PDZD2: variants seen among roughly 807,000 people sequenced by gnomAD.
PDZD2 encodes the protein PDZ domain containing 2, also known as PDZ domain-containing protein 2.
A neutral mutation model predicts 220.7 loss-of-function variants in PDZD2; 90 were observed. The observed-to-expected ratio is 0.41, with a 90% CI of 0.34 to 0.49. The LOEUF is 0.49. Ranked by LOEUF, PDZD2 falls within the 20% of genes least tolerant of loss-of-function variation. The pLI, the probability that PDZD2 is intolerant of heterozygous loss-of-function variation, is 0.28. For synonymous variants in PDZD2, 1,375 were observed against 1,450.5 expected, an observed-to-expected ratio of 0.95 and a Z score of 1.18; for missense variants, 3,174 against 3,608.5, an observed-to-expected ratio of 0.88 and a Z score of 3.08.
chr5:31,655,361 A>T (rs1745507515), intron 1 of PDZD2, among the ~76,000 whole-genome samples: 1 of 152,028 alleles, frequency 6.6e-6, no homozygotes, highest in Non-Finnish European at 1.5e-5. Flanking sequence ...TTTAGTAGAG[A>T]CGGGGTTTCA....
At chr5:31,786,780 C>T (rs1753406169) in intron 1 of PDZD2, among the ~76,000 whole-genome samples, 2 of 152,162 alleles carry the variant, frequency 1.3e-5, no homozygotes, top group African/African-American at 2.4e-5. Flanking sequence ...TGGGGCCGTA[C>T]AGCTAGCTAG....
intron 22 of PDZD2, 142 bp downstream of exon 22, chr5:32,097,522 G>C (rs899792605): frequency 3.0e-6 from 2 of 666,778 alleles, no homozygotes; most frequent in Non-Finnish European, 5.4e-6. Context: ...GGAGAAGTGG[G>C]AGAAGTAGTA....
intron 14 of PDZD2, among the ~76,000 whole-genome samples, chr5:32,063,170 G>A (rs1455310385): frequency 6.6e-6 from 1 of 151,790 alleles, no homozygotes; most frequent in African/African-American, 2.4e-5. Flanking sequence ...TCAGCCTTCT[G>A]AGTAGGTGGG....
chr5:32,096,711 C>T (rs1359796214), intron 21 of PDZD2, among the ~76,000 whole-genome samples: 1 of 152,118 alleles, frequency 6.6e-6, no homozygotes, highest in Non-Finnish European at 1.5e-5. Context: ...ATGCTCTTAT[C>T]CTGCCTCTTG....
chr5:32,037,326 C>G lies in PDZD2; in HGVS notation c.1503C>G (p.Leu501=). The change falls in exon 7 of 25, where the codon CTC becomes CTG. Residue 501 remains leucine (L), a synonymous_variant. Transcript: ENST00000438447. ...AACAGGGCAGCAATAAAATCAAGCT[C>G]AAGAGTCGCCTTTCAGGTAGGTGGG... ...SPKQGSNKIK[L]KSRLSGGVHR... The G allele has an allele frequency of 6.2e-7, 1 of 1,608,004 alleles. No homozygotes were observed. The highest frequency in any genetic ancestry group is 8.5e-7 in the Non-Finnish European group (1 of 1,174,454).
chr5:31,814,211 A>G (rs1755294019), intron 2 of PDZD2, among the ~76,000 whole-genome samples: 1 of 152,222 alleles, frequency 6.6e-6, no homozygotes, highest in South Asian at 2.1e-4. Context: ...AGCTTTAACT[A>G]GAATAAAAAG....
intron 1 of PDZD2, among the ~76,000 whole-genome samples, chr5:31,695,089 A>C (rs1054734989): frequency 2.0e-5 from 3 of 151,812 alleles, no homozygotes; most frequent in African/African-American, 7.3e-5. Flanking sequence ...GCACCACTGC[A>C]CTCCAGCCTG....
At chr5:31,922,634 C>T (rs1051282619) in intron 2 of PDZD2, among the ~76,000 whole-genome samples, 1 of 152,268 alleles carries the variant, frequency 6.6e-6, no homozygotes, top group East Asian at 1.9e-4. Flanking sequence ...CTGAAAGACA[C>T]ACCTTTCCAG....
At chr5:31,880,273 T>C (rs1169757446) in intron 2 of PDZD2, among the ~76,000 whole-genome samples, 2 of 152,198 alleles carry the variant, frequency 1.3e-5, no homozygotes, top group African/African-American at 4.8e-5. Flanking sequence ...TGTTTTATGC[T>C]TTATATGAAA....
chr5:32,101,580 C>A (rs1163651276), intron 24 of PDZD2, among the ~76,000 whole-genome samples: 1 of 152,168 alleles, frequency 6.6e-6, no homozygotes, highest in Non-Finnish European at 1.5e-5. Flanking sequence ...TTACTCCGGG[C>A]CCCTCTCTCT....
At chr5:32,066,482 C>G (rs1433147225) in intron 14 of PDZD2, among the ~76,000 whole-genome samples, 3 of 152,282 alleles carry the variant, frequency 2.0e-5, no homozygotes, top group Middle Eastern at 3.4e-3. Flanking sequence ...AAAATCTGTT[C>G]TCTTTTGTTT....
intron 2 of PDZD2, among the ~76,000 whole-genome samples, chr5:31,862,254 T>A (rs1381660090): frequency 2.6e-5 from 4 of 151,570 alleles, no homozygotes; most frequent in Admixed American, 1.3e-4. Flanking sequence ...ACAGGTGTGC[T>A]CCACCACACC....
chr5:31,727,444 C>T (rs979760270), intron 1 of PDZD2, among the ~76,000 whole-genome samples: 6 of 151,130 alleles, frequency 4.0e-5, no homozygotes, highest in African/African-American at 1.2e-4. Context: ...CGGTGGCTCA[C>T]GCCTGTAATC....
intron 1 of PDZD2, among the ~76,000 whole-genome samples, chr5:31,702,619 G>A (rs149406172): frequency 1.2e-4 from 19 of 152,292 alleles, no homozygotes; most frequent in African/African-American, 4.6e-4. Context: ...AAATGGTTAA[G>A]AATAGGAAAG....
Position 32,088,861 on chromosome 5 carries a change from A to G in PDZD2, c.5413A>G (p.Ile1805Val). The part of the protein sequence containing the change: ...RRPIMAWFKE[I>V]NKHNQGTHLR... ...GCCCATCATGGCCTGGTTTAAAGAAATAAATAAACATAACCAAGGCACACA... is the reference window on the plus strand; with the variant it reads ...GCCCATCATGGCCTGGTTTAAAGAAGTAAATAAACATAACCAAGGCACACA... The change falls in exon 20 of 25, where the codon ATA becomes GTA. Residue 1805 changes from isoleucine to valine, a missense_variant. Ile to Val is a conservative substitution (Grantham distance 29). Transcript: ENST00000438447. This position sits in a 1 kb window ranked among gnomAD's most constrained non-coding sequence, Gnocchi z 4.6. 1 of 1,614,128 alleles carries G rather than the reference A, an allele frequency of 6.2e-7. No homozygotes were observed.
chr5:31,884,896 G>T (rs983956618), intron 2 of PDZD2, among the ~76,000 whole-genome samples: 2 of 152,026 alleles, frequency 1.3e-5, no homozygotes, highest in Non-Finnish European at 2.9e-5. Context: ...ACCCACCTCA[G>T]CCTCCCAAAG....
At position 31,639,967 on chromosome 5, in the gene PDZD2, G is replaced by A. The variant is rs1376431764; in HGVS notation, c.-361+530G>A. Among the ~76,000 whole-genome samples the A allele has an allele frequency of 6.6e-6, 1 of 152,054 alleles. No individual in the cohort carries two copies. The highest frequency in any genetic ancestry group is 6.6e-5 in the Admixed American group (1 of 15,248). On this transcript the variant is annotated intron_variant, in intron 1 of 24. Transcript: ENST00000438447. The surrounding 1 kb of genome is among the most constrained non-coding windows in gnomAD (Gnocchi z 4.1). ...TGCAGGGGGCGCGCAAAGATCAAGGGCATCTTAGGGCCGGTTATTGGCGTC... is the reference window on the plus strand; with the variant it reads ...TGCAGGGGGCGCGCAAAGATCAAGGACATCTTAGGGCCGGTTATTGGCGTC...
At chr5:31,706,049 C>T (rs1430884177) in intron 1 of PDZD2, among the ~76,000 whole-genome samples, 2 of 152,174 alleles carry the variant, frequency 1.3e-5, no homozygotes, top group East Asian at 3.9e-4. Flanking sequence ...GAGACTCCAT[C>T]TCAAAATAAC....
At chr5:31,893,399 C>T (rs928169684) in intron 2 of PDZD2, among the ~76,000 whole-genome samples, 2 of 152,072 alleles carry the variant, frequency 1.3e-5, no homozygotes, top group Admixed American at 6.6e-5. Flanking sequence ...GGTGAAAACC[C>T]GTCTCTACAA....
Sources: gnomAD v4.1 joint callset for allele counts (sites outside exome capture counted in the v4.1 genomes callset) on GRCh38, gnomAD v4.1.1 for gene constraint, Gnocchi (gnomAD v3.1) non-coding constraint, MANE v1.5 for transcripts, NCBI Gene and HGNC (gene_info 2026-07-23, HGNC 2026-07-21) for gene names.